Variants in DISP1 observed in about 807,000 individuals in gnomAD.
The protein encoded by DISP1 is dispatched RND transporter family member 1, also known as protein dispatched homolog 1.
A neutral mutation model predicts 37.3 loss-of-function variants in DISP1; 30 were observed. The observed-to-expected ratio is 0.80, with a 90% CI of 0.60 to 1.09. DISP1 has a LOEUF of 1.09. Ranked by LOEUF, DISP1 falls within the 50% of genes least tolerant of loss-of-function variation. The probability of loss-of-function intolerance (pLI) is 0.00; values close to 1 mark genes in which losing one functional copy is unlikely to be tolerated. For missense variants in DISP1, 1,598 were observed against 1,879.5 expected (o/e 0.85, Z 2.77); for synonymous variants, 634 against 690.2 (o/e 0.92, Z 1.28).
At chr1:222,818,774 C>T (rs187903529) in intron 1 of DISP1, among the ~76,000 whole-genome samples, 490 of 152,306 alleles carry the variant, frequency 3.2e-3, no homozygotes, top group Admixed American at 7.4e-3. Context: ...TGATTGTAGA[C>T]ATTAACTACA....
intron 8 of DISP1, among the ~76,000 whole-genome samples, chr1:223,000,797 G>T (rs1037285194): frequency 6.6e-6 from 1 of 152,066 alleles, no homozygotes; most frequent in African/African-American, 2.4e-5. Context: ...AGTGATTCAT[G>T]CCAGCTTCTG....
intron 1 of DISP1, among the ~76,000 whole-genome samples, chr1:222,894,382 C>T (rs1045493613): frequency 1.3e-5 from 2 of 152,154 alleles, no homozygotes; most frequent in Non-Finnish European, 2.9e-5. Context: ...AGTGCCCCCT[C>T]GGGCTCCCTC....
At chr1:222,851,850 C>T (rs887343032) in intron 1 of DISP1, among the ~76,000 whole-genome samples, 3 of 151,272 alleles carry the variant, frequency 2.0e-5, no homozygotes, top group African/African-American at 7.3e-5. Flanking sequence ...ATTTTACAAG[C>T]TAATTGTCCA....
At chr1:223,002,062 G>C (rs1002601245) in intron 8 of DISP1, among the ~76,000 whole-genome samples, 21 of 152,072 alleles carry the variant, frequency 1.4e-4, no homozygotes, top group African/African-American at 2.9e-4. Context: ...CTTTGAAAAG[G>C]CTTGTTGACT....
intron 1 of DISP1, among the ~76,000 whole-genome samples, chr1:222,824,126 G>A (rs1435352188): frequency 6.6e-6 from 1 of 151,912 alleles, no homozygotes; most frequent in African/African-American, 2.4e-5. Context: ...ATATTAATTT[G>A]TGAAACTTAT....
At chr1:222,944,059 A>ACAT (rs1289107244) in intron 3 of DISP1, among the ~76,000 whole-genome samples, 1 of 152,082 alleles carries the variant, frequency 6.6e-6, no homozygotes, top group East Asian at 1.9e-4. Context: ...AACAACAACA[A>ACAT]AAAAACACCT....
rs1023362439 is a variant in DISP1 at position 222,901,556 on chromosome 1, C to T, written c.-158-26874C>T. Among the ~76,000 whole-genome samples, 4 of 104,112 alleles carry T rather than the reference C, an allele frequency of 3.8e-5. 1 individual carries two copies. The Admixed American group carries it at 5.0e-4, about 13-fold the overall frequency. 68.3% of individuals were successfully genotyped at this position (104,112 alleles called of 152,430 possible). Reference sequence around the variant, plus strand: ...TTTTTGTTTTTGAGATGGAGTCTCACTCACTCTGTCACCTGGGCTGGAGTG... The same window carrying T: ...TTTTTGTTTTTGAGATGGAGTCTCATTCACTCTGTCACCTGGGCTGGAGTG... On this transcript the variant is annotated intron_variant, in intron 1 of 8. Transcript: ENST00000675850.
rs912862800 is a variant in DISP1, at chr1:222,898,280, A to G, written c.-158-30150A>G. ...GTCTTTTTCAGAAGTGGTAAATAGA[A>G]TTTTTTTTTAAACACTGAGATCATA... On this transcript the variant is annotated intron_variant, in intron 1 of 8. Transcript: ENST00000675850. Among the ~76,000 whole-genome samples, 6 of 151,804 alleles carry G rather than the reference A, an allele frequency of 4.0e-5. 1 individual carries two copies. The highest frequency in any genetic ancestry group is 3.3e-4 in the Admixed American group (5 of 15,236).
chr1:222,961,051 T>C (rs945486372), intron 3 of DISP1, among the ~76,000 whole-genome samples: 4 of 152,016 alleles, frequency 2.6e-5, no homozygotes, highest in African/African-American at 9.7e-5. Context: ...AAAGAGGAGC[T>C]GGTACCATTC....
intron 8 of DISP1, among the ~76,000 whole-genome samples, chr1:222,999,830 G>C (rs1310244839): frequency 1.3e-5 from 2 of 152,090 alleles, no homozygotes; most frequent in South Asian, 4.1e-4. Flanking sequence ...TCTTTTCTCT[G>C]TCCTTATTTC....
chr1:222,932,029 T>TA (rs969422690), intron 2 of DISP1, among the ~76,000 whole-genome samples: 1 of 151,564 alleles, frequency 6.6e-6, no homozygotes, highest in Admixed American at 6.6e-5. Flanking sequence ...ACAAGAGCAA[T>TA]AAAAAAAAGT....
chr1:222,909,112 T>C (rs1025588773), intron 1 of DISP1, among the ~76,000 whole-genome samples: 1 of 152,142 alleles, frequency 6.6e-6, no homozygotes, highest in Admixed American at 6.5e-5. Flanking sequence ...TAAACATCTT[T>C]TAGAATTCTG....
chr1:222,942,793 AT>A lies in DISP1; in HGVS notation c.-17-10del. The A allele has an allele frequency of 6.2e-7, 1 of 1,614,002 alleles. No individual in the cohort carries two copies. Among genetic ancestry groups the A allele is most frequent in the Non-Finnish European group, 8.5e-7 (1 of 1,180,002 alleles). ...CTGACTGTAACTGGGCGATTTTATG[AT>A]TTTCTTACTTAGAGTCAAGAAATTG... On this transcript the variant is annotated splice_polypyrimidine_tract_variant and intron_variant, in intron 2 of 8. Coordinates refer to ENST00000675850, the MANE Select transcript of DISP1 (RefSeq NM_001377229.1).
At chr1:222,980,947 A>T (rs1297153457) in intron 3 of DISP1, among the ~76,000 whole-genome samples, 2 of 152,200 alleles carry the variant, frequency 1.3e-5, no homozygotes, top group Non-Finnish European at 2.9e-5. Flanking sequence ...GCTTGGTGGC[A>T]TGCGCCTGTA....
intron 3 of DISP1, among the ~76,000 whole-genome samples, chr1:222,961,333 G>A (rs771732638): frequency 1.6e-4 from 24 of 152,100 alleles, no homozygotes; most frequent in African/African-American, 4.1e-4. Context: ...ATCAATAAAC[G>A]TAATCCATCA....
Position 222,991,641 on chromosome 1 carries a change from C to G in DISP1, c.785C>G (p.Ala262Gly). The G allele has an allele frequency of 6.2e-7, 1 of 1,612,240 alleles. No individual in the cohort carries two copies. The highest frequency in any genetic ancestry group is 8.5e-7 in the Non-Finnish European group (1 of 1,178,694). ...CCCTTTAAATATGCAGATGAACAAG[C>G]CAAAAGGTAATCAATTATTTATTTT... ...NYPFKYADEQ[A>G]KSHRDDRWSD... Residue 262 changes from alanine to glycine, a missense_variant, in exon 6 of 9, where the codon GCC becomes GGC. Transcript: ENST00000675850.
chr1:222,928,174 C>T (rs1281834215), intron 1 of DISP1, among the ~76,000 whole-genome samples: 1 of 152,160 alleles, frequency 6.6e-6, no homozygotes, highest in Non-Finnish European at 1.5e-5. Context: ...GAAGTTATAA[C>T]TAAAAACAGT....
chr1:222,838,393 A>G (rs1244256070), intron 1 of DISP1, among the ~76,000 whole-genome samples: 1 of 151,778 alleles, frequency 6.6e-6, no homozygotes, highest in Non-Finnish European at 1.5e-5. Flanking sequence ...TGATTTTCTA[A>G]TTTTTACTTT....
intron 2 of DISP1, among the ~76,000 whole-genome samples, chr1:222,934,315 A>G (rs1208998306): frequency 2.0e-5 from 3 of 152,118 alleles, no homozygotes; most frequent in Admixed American, 6.6e-5. Context: ...TAATAAATTC[A>G]CAGAGGTATT....
Sources: gnomAD v4.1 joint callset for allele counts (sites outside exome capture counted in the v4.1 genomes callset) on GRCh38, gnomAD v4.1.1 for gene constraint, MANE v1.5 for transcripts, NCBI Gene and HGNC (gene_info 2026-07-23, HGNC 2026-07-21) for gene names.